The following ZKSCAN4 variants were observed in gnomAD, a reference collection of about 807,000 sequenced individuals.
ZKSCAN4 encodes zinc finger with KRAB and SCAN domains 4, also known as zinc finger protein with KRAB and SCAN domains 4.
A neutral mutation model predicts 30.8 loss-of-function variants in ZKSCAN4; 23 were observed. The observed-to-expected ratio is 0.75, with a 90% confidence interval of 0.54 to 1.06. ZKSCAN4 has a LOEUF of 1.06. ZKSCAN4 is among the 50% of genes least tolerant of loss of function. The pLI is 0.00. For missense variants in ZKSCAN4, 556 were observed against 665.4 expected (o/e 0.84, Z 1.81); for synonymous variants, 208 against 252.5 (o/e 0.82, Z 1.67).
chr6:28,245,284 A>G lies in ZKSCAN4; in HGVS notation c.1470T>C (p.Asn490=). The G allele has an allele frequency of 6.2e-7, 1 of 1,613,318 alleles. No individual in the cohort carries two copies. The highest frequency in any genetic ancestry group is 8.5e-7 in the Non-Finnish European group (1 of 1,179,838). ...TCCGTGTGAAACTTCTCTCACACTC[A>G]TTACATTTATAAGACACGGGAGCCT... ...NTEAPVSYKC[N]ECERSFTRNR... The change falls in exon 5 of 5, where the codon AAT becomes AAC. Residue 490 remains asparagine, a synonymous_variant. Coordinates refer to ENST00000377294, the MANE Select transcript of ZKSCAN4 (RefSeq NM_019110.5).
chr6:28,258,877 G>A, the ZKSCAN4 span, among the ~76,000 whole-genome samples: 2 of 150,262 alleles, frequency 1.3e-5, no homozygotes, highest in East Asian at 4.0e-4. Flanking sequence ...AACAAGGGGG[G>A]TTGGGAAGTG....
intron 2 of ZKSCAN4, 51 bp from the exon 3 acceptor site, chr6:28,248,200 C>A: frequency 6.9e-7 from 1 of 1,458,700 alleles, no homozygotes; most frequent in South Asian, 1.2e-5. Flanking sequence ...TTCAGCCTCC[C>A]CACCTTGCAA....
rs201938584 is a variant in ZKSCAN4, at chr6:28,247,025, T to C, written c.722A>G (p.Gln241Arg). The C allele has an allele frequency of 1.2e-6, 2 of 1,613,512 alleles. No homozygotes were observed. Among genetic ancestry groups the C allele is most frequent in the Non-Finnish European group, 1.7e-6 (2 of 1,179,746 alleles). ...CTTTTCATCTCTGTAGAGGTTCACC[T>C]GAGATGAATCCAGCTGTGTCCACCC... ...TPGWTQLDSS[Q>R]VNLYRDEKQE... Residue 241 changes from glutamine to arginine, a missense_variant, in exon 4 of 5, where the codon CAG becomes CGG. Physicochemically the swap from Gln to Arg is conservative, Grantham distance 43. Coordinates refer to ENST00000377294, the MANE Select transcript of ZKSCAN4 (RefSeq NM_019110.5).
Position 28,241,887 on chromosome 6 carries a change from CTT to C in ZKSCAN4, c.*3227_*3228del, listed in dbSNP as rs144788194. ...CTAGGAGTTAAGTTGTCATTCCTAC[CTT>C]TTTTTTTCTCTCACTAAAGGAAGAG... On this transcript the variant is annotated 3_prime_UTR_variant, in exon 5 of 5. Transcript: ENST00000377294. Among the ~76,000 whole-genome samples, 1 of 151,328 alleles carries C rather than the reference CTT, an allele frequency of 6.6e-6. No homozygotes were observed. Among genetic ancestry groups the C allele is most frequent in the East Asian group, 1.9e-4 (1 of 5,164 alleles).
At chr6:28,248,193 A>G in intron 2 of ZKSCAN4, 44 bp from the exon 3 acceptor site, 1 of 1,512,858 alleles carries the variant, frequency 6.6e-7, no homozygotes, top group Non-Finnish European at 9.1e-7. Flanking sequence ...CCTAGTATTC[A>G]GCCTCCCCAC....
In ZKSCAN4 at chr6:28,243,448, T is replaced by C. The variant is rs893161060; in HGVS notation, c.*1668A>G. On this transcript the variant is annotated 3_prime_UTR_variant, in exon 5 of 5. Coordinates refer to ENST00000377294, the MANE Select transcript of ZKSCAN4 (RefSeq NM_019110.5). ...ATGACAGTCTGGCAATGCTGGAAGA[T>C]GGTAATAGGCACTTGAGCACTTCGG... Among the ~76,000 whole-genome samples, 2 of 152,162 alleles carry C rather than the reference T, an allele frequency of 1.3e-5. No individual in the cohort carries two copies. The highest frequency in any genetic ancestry group is 2.4e-5 in the African/African-American group (1 of 41,438).
chr6:28,256,437 TAATAA>T (rs1761177427), upstream of ZKSCAN4, among the ~76,000 whole-genome samples: 1 of 151,916 alleles, frequency 6.6e-6, no homozygotes. Flanking sequence ...TCTCAAAAAA[TAATAA>T]AATAAAATAA....
the ZKSCAN4 span, among the ~76,000 whole-genome samples, chr6:28,259,164 G>T: frequency 6.6e-6 from 1 of 152,176 alleles, no homozygotes. Flanking sequence ...AAAAACAGGC[G>T]CACCCTAATC....
In ZKSCAN4 at chr6:28,243,089, AAGG is replaced by A. The variant is rs1158958915; in HGVS notation, c.*2024_*2026del. 2.6e-5 allele frequency among the ~76,000 whole-genome samples: 4 copies of A among 152,240 alleles called. No homozygotes were observed. Among genetic ancestry groups the A allele is most frequent in the Admixed American group, 6.5e-5 (1 of 15,282 alleles). ...TAGCAAATATTTAGGAGAAGTGAAA[AAGG>A]AGAAAAGGAAATGGCTAGCTTTGTG... On this transcript the variant is annotated 3_prime_UTR_variant, in exon 5 of 5. Coordinates refer to ENST00000377294, the MANE Select transcript of ZKSCAN4 (RefSeq NM_019110.5).
chr6:28,246,172 GC>G, intron 4 of ZKSCAN4, 197 bp from the exon 5 acceptor site: 1 of 685,682 alleles, frequency 1.5e-6, no homozygotes, highest in Non-Finnish European at 2.4e-6. Context: ...TGAGAATGGG[GC>G]CATTGGAAGG....
rs750158696 is a variant in ZKSCAN4, at chr6:28,245,195, CAT to C, written c.1557_1558del (p.Cys520TrpfsTer42). 1.3e-4 allele frequency: 213 copies of C among 1,614,026 alleles called. No individual in the cohort carries two copies. Among genetic ancestry groups the C allele is most frequent in the Non-Finnish European group, 1.7e-4 (201 of 1,180,036 alleles). On this transcript the variant is annotated frameshift_variant, in exon 5 of 5. Transcript: ENST00000377294. LOFTEE classifies it high-confidence loss of function. ...TGAAGTTCGAGTGAAACCTTTTCCA[CAT>C]GTGTCACACTGATAGGGTTTCTCAC... is the stretch of plus-strand genomic sequence containing the variant.
At position 28,251,844 on chromosome 6, in the gene ZKSCAN4, G is replaced by A. The variant is rs1561862867; in HGVS notation, c.137C>T (p.Ala46Val). ...TAEVRAPCSP[A>V]RGPERSRQRF... is the part of the protein sequence containing the mutation. ...CTGGCGGGAGCGTTCGGGGCCCCGA[G>A]CAGGGCTGCAGGGTGCTCTCACCTC... is the stretch of plus-strand genomic sequence containing the variant. Residue 46 changes from alanine (A) to valine (V), a missense_variant, in exon 1 of 5, where the codon GCT (alanine) becomes GTT (valine). Physicochemically the swap from Ala to Val is moderately conservative, Grantham distance 64. Coordinates refer to ENST00000377294, the MANE Select transcript of ZKSCAN4 (RefSeq NM_019110.5). The surrounding 1 kb of genome is among the most constrained non-coding windows in gnomAD (Gnocchi z 4.5). 1.2e-6 allele frequency: 2 copies of A among 1,600,254 alleles called. No individual in the cohort carries two copies. The highest frequency in any genetic ancestry group is 1.7e-6 in the Non-Finnish European group (2 of 1,172,830).
At position 28,248,048 on chromosome 6, in the gene ZKSCAN4, G is replaced by A; in HGVS notation, c.654+19C>T. ...TGAAAGGTATGGGGCGCTGGGGAGG[G>A]AGAGGAGCTCCAGCTCACCTGGGAC... On this transcript the variant is annotated intron_variant, in intron 3 of 4. Transcript: ENST00000377294. The A allele has an allele frequency of 6.3e-7, 1 of 1,598,584 alleles. No individual in the cohort carries two copies. The highest frequency in any genetic ancestry group is 8.5e-7 in the Non-Finnish European group (1 of 1,169,712).
At position 28,249,615 on chromosome 6, in the gene ZKSCAN4, T is replaced by C; in HGVS notation, c.571+72A>G. ...AGTATATAAAGTAACTGTAAATGGA[T>C]CTTTTAGGTGATCCTTAAATGAAAT... is the stretch of plus-strand genomic sequence containing the variant. On this transcript the variant is annotated intron_variant, in intron 2 of 4. Transcript: ENST00000377294. This position sits in a 1 kb window ranked among gnomAD's most constrained non-coding sequence, Gnocchi z 4.1. The C allele has an allele frequency of 6.5e-7, 1 of 1,544,236 alleles. No homozygotes were observed. The highest frequency in any genetic ancestry group is 8.8e-7 in the Non-Finnish European group (1 of 1,136,708).
In ZKSCAN4 at chr6:28,248,576, C is replaced by T. The variant is rs547551779; in HGVS notation, c.572-427G>A. On this transcript the variant is annotated intron_variant, in intron 2 of 4. Coordinates refer to ENST00000377294, the MANE Select transcript of ZKSCAN4 (RefSeq NM_019110.5). ...AGGCACAGTGGCTCATCCCTGTAAT[C>T]GCAGCACTTTGGGAGGCTGAGACAG... Among the ~76,000 whole-genome samples, 234 of 152,228 alleles carry T rather than the reference C, an allele frequency of 1.5e-3. 1 individual carries two copies. Among genetic ancestry groups the T allele is most frequent in the Non-Finnish European group, 3.0e-3 (204 of 68,016 alleles).
In ZKSCAN4 at chr6:28,245,474, G is replaced by T; in HGVS notation, c.1280C>A (p.Thr427Asn). 1 of 1,614,182 alleles carries T rather than the reference G, an allele frequency of 6.2e-7. No individual in the cohort carries two copies. Among genetic ancestry groups the T allele is most frequent in the Non-Finnish European group, 8.5e-7 (1 of 1,180,038 alleles). ...ATTGCACTGGTATGGCTTCTCCCCA[G>T]TATGAATTTTGTGATGTTCAAGGAG... ...CSLLEHHKIH[T>N]GEKPYQCNMC... is the part of the protein sequence containing the mutation. The change falls in exon 5 of 5, where the codon ACT becomes AAT. Residue 427 changes from threonine to asparagine, a missense_variant. By Grantham distance (65) the Thr-to-Asn change is moderately conservative (BLOSUM62 0). Transcript: ENST00000377294.
upstream of ZKSCAN4, among the ~76,000 whole-genome samples, chr6:28,253,668 TCA>T (rs956878223): frequency 1.3e-5 from 2 of 152,240 alleles, no homozygotes; most frequent in African/African-American, 4.8e-5. The surrounding 1 kb of genome is among the most constrained non-coding windows in gnomAD (Gnocchi z 4.2). Context: ...AATCAGAATG[TCA>T]CAGGATGGGA....
At chr6:28,253,729 G>T (rs1379491828), upstream of ZKSCAN4, among the ~76,000 whole-genome samples, 1 of 152,182 alleles carries the variant, frequency 6.6e-6, no homozygotes, top group Non-Finnish European at 1.5e-5. This position sits in a 1 kb window ranked among gnomAD's most constrained non-coding sequence, Gnocchi z 4.2. Context: ...TTTTGCGACA[G>T]AGTCTTGCTG....
the ZKSCAN4 span, among the ~76,000 whole-genome samples, chr6:28,257,685 A>G: frequency 6.6e-4 from 101 of 152,370 alleles, no homozygotes; most frequent in African/African-American, 2.4e-3. Context: ...CTCTTGGCCC[A>G]CAAAGCCTAA....
Sources: gnomAD v4.1 joint callset for allele counts (sites outside exome capture counted in the v4.1 genomes callset) on GRCh38, gnomAD v4.1.1 for gene constraint, Gnocchi (gnomAD v3.1) non-coding constraint, MANE v1.5 for transcripts, NCBI Gene and HGNC (gene_info 2026-07-23, HGNC 2026-07-21) for gene names.